Variants in CIMAP2 observed in about 807,000 individuals in gnomAD.
CIMAP2 encodes the protein ciliary microtubule associated protein 2.
At chr1:54,813,839 A>C in the CIMAP2 span, 1 of 1,609,190 alleles carries the variant, frequency 6.2e-7, no homozygotes, top group Non-Finnish European at 8.5e-7. Flanking sequence ...GAACTGATGA[A>C]TTTCAAGAGC....
chr1:54,808,989 T>TGTTTAGCATCCCTCCCCC, the CIMAP2 span, among the ~76,000 whole-genome samples: 532 of 8,134 alleles, frequency 0.065, 3 homozygotes, highest in African/African-American at 0.12. Flanking sequence ...TTCTTGTGTG[T>TGTTTAGCATCCCTCCCCC]GACTGGACAG....
At chr1:54,811,765 G>GCCGGGGGGGGGGGGGGGCCCCCCCCCCCC in the CIMAP2 span, 11 of 1,301,310 alleles carry the variant, frequency 8.5e-6, no homozygotes, top group East Asian at 5.0e-5. Context: ...GGTTCTGACA[G>GCCGGGGGGGGGGGGGGGCCCCCCCCCCCC]CCTCCATGCC....
At chr1:54,840,608 T>C in the CIMAP2 span, among the ~76,000 whole-genome samples, 22 of 152,330 alleles carry the variant, frequency 1.4e-4, no homozygotes, top group African/African-American at 5.3e-4. Flanking sequence ...CAGCAACGTA[T>C]GAGGGGTCTA....
At chr1:54,811,765 G>GCCGGGGGGCGCGCCGCCCCCCC in the CIMAP2 span, 1 of 1,301,332 alleles carries the variant, frequency 7.7e-7, no homozygotes, top group East Asian at 2.5e-5. Context: ...GGTTCTGACA[G>GCCGGGGGGCGCGCCGCCCCCCC]CCTCCATGCC....
chr1:54,813,693 T>G, the CIMAP2 span: 1 of 1,137,146 alleles, frequency 8.8e-7, no homozygotes, highest in African/African-American at 1.6e-5. Context: ...GCCTCCGGGA[T>G]GTCTGCACAG....
chr1:54,807,438 G>A, the CIMAP2 span: 35 of 1,406,962 alleles, frequency 2.5e-5, no homozygotes, highest in South Asian at 9.3e-5. Flanking sequence ...CCCTTCCTCC[G>A]GGTCAGGGTG....
the CIMAP2 span, among the ~76,000 whole-genome samples, chr1:54,808,509 G>A: frequency 2.6e-5 from 4 of 152,060 alleles, no homozygotes; most frequent in South Asian, 8.4e-4. Flanking sequence ...AGAGGGCACT[G>A]GCCGAGGGTG....
chr1:54,824,683 T>A, the CIMAP2 span, among the ~76,000 whole-genome samples: 1 of 152,106 alleles, frequency 6.6e-6, no homozygotes, highest in African/African-American at 2.4e-5. Context: ...CTTGATTGTA[T>A]TTTTAATTTC....
At chr1:54,807,812 C>T in the CIMAP2 span, 7 of 1,517,302 alleles carry the variant, frequency 4.6e-6, no homozygotes, top group Non-Finnish European at 6.2e-6. Context: ...TTAAGGAACA[C>T]CATCGTGCCT....
chr1:54,821,108 G>GAATA, the CIMAP2 span, among the ~76,000 whole-genome samples: 1 of 152,138 alleles, frequency 6.6e-6, no homozygotes, highest in Non-Finnish European at 1.5e-5. Context: ...TTGCTGTTGA[G>GAATA]TTCCTTGAAT....
the CIMAP2 span, among the ~76,000 whole-genome samples, chr1:54,835,786 C>A: frequency 6.6e-6 from 1 of 152,202 alleles, no homozygotes; most frequent in South Asian, 2.1e-4. Context: ...AGTTACAGGG[C>A]AGCCTGAGAA....
the CIMAP2 span, among the ~76,000 whole-genome samples, chr1:54,839,446 C>T: frequency 9.2e-5 from 14 of 152,072 alleles, no homozygotes; most frequent in African/African-American, 2.7e-4. Flanking sequence ...GGCGCGATCT[C>T]GGCTCACTCT....
At chr1:54,813,910 C>T in the CIMAP2 span, 11 of 1,613,638 alleles carry the variant, frequency 6.8e-6, no homozygotes, top group African/African-American at 2.7e-5. Flanking sequence ...TAAACTTCCC[C>T]GAAACCCGAA....
the CIMAP2 span, chr1:54,811,773 G>GCCCCCACCCCCCC: frequency 3.0e-6 from 4 of 1,325,048 alleles, no homozygotes; most frequent in South Asian, 2.6e-5. Context: ...CAGCCTCCAT[G>GCCCCCACCCCCCC]CCCCCACCCC....
the CIMAP2 span, among the ~76,000 whole-genome samples, chr1:54,808,551 AG>A: frequency 2.1e-4 from 29 of 136,542 alleles, no homozygotes; most frequent in Non-Finnish European, 1.6e-4. Context: ...AGAGGGGTGA[AG>A]GGCTGGGTCA....
the CIMAP2 span, among the ~76,000 whole-genome samples, chr1:54,824,439 C>T: frequency 2.6e-5 from 4 of 152,054 alleles, no homozygotes; most frequent in Non-Finnish European, 5.9e-5. Flanking sequence ...ATATCTTTTG[C>T]AAGACTTGGG....
the CIMAP2 span, among the ~76,000 whole-genome samples, chr1:54,841,158 T>C: frequency 2.0e-5 from 3 of 152,210 alleles, no homozygotes; most frequent in Admixed American, 6.5e-5. Flanking sequence ...GGTAATGATC[T>C]AGGCATAGGG....
At chr1:54,829,742 A>G in the CIMAP2 span, among the ~76,000 whole-genome samples, 2 of 152,148 alleles carry the variant, frequency 1.3e-5, no homozygotes, top group Non-Finnish European at 2.9e-5. Context: ...TTTGATAACA[A>G]TATGCTCTGG....
At chr1:54,812,069 C>G in the CIMAP2 span, 1 of 1,614,186 alleles carries the variant, frequency 6.2e-7, no homozygotes, top group African/African-American at 1.3e-5. Flanking sequence ...GACCCGGCAC[C>G]TACTTCTTCA....
Sources: gnomAD v4.1 joint callset for allele counts (sites outside exome capture counted in the v4.1 genomes callset) on GRCh38, gnomAD v4.1.1 for gene constraint, MANE v1.5 for transcripts, NCBI Gene and HGNC (gene_info 2026-07-23, HGNC 2026-07-21) for gene names.